The following ADAMTSL1 variants were observed in gnomAD, a reference collection of about 807,000 sequenced individuals.
ADAMTSL1 encodes ADAMTS like 1, also known as ADAMTS-like protein 1.
ADAMTSL1 carries 126 observed loss-of-function variants against 201.8 expected under a neutral mutation model. That is an observed-to-expected ratio of 0.62 (90% CI 0.54 to 0.72). The LOEUF is 0.72. ADAMTSL1 is among the 30% of genes least tolerant of loss of function. The pLI is 0.00. For missense variants in ADAMTSL1, 2,679 were observed against 2,277.8 expected (o/e 1.18, Z -3.59); for synonymous variants, 1,121 against 903.4 (o/e 1.24, Z -4.32).
intron 3 of ADAMTSL1, among the ~76,000 whole-genome samples, chr9:18,535,866 A>T (rs976064215): frequency 4.6e-5 from 7 of 152,164 alleles, no homozygotes; most frequent in Non-Finnish European, 7.3e-5. Flanking sequence ...TGCATGAGTC[A>T]ATTATCTCCA....
chr9:18,175,412 A>G (rs1258952893), intron 2 of ADAMTSL1, among the ~76,000 whole-genome samples: 3 of 152,186 alleles, frequency 2.0e-5, no homozygotes, highest in Non-Finnish European at 2.9e-5. Flanking sequence ...TAATATGCAC[A>G]TTGCTCTTTA....
Position 18,331,361 on chromosome 9 carries a change from G to A in ADAMTSL1, c.207+167380G>A, listed in dbSNP as rs1286319102. ...GTATTTTAAAATAATAGCTGTGTGA[G>A]TATCATCTATCCCCACTGTGTTGGC... On this transcript the variant is annotated intron_variant, in intron 2 of 29. Transcript: ENST00000680146. Among the ~76,000 whole-genome samples, 5 of 152,182 alleles carry A rather than the reference G, an allele frequency of 3.3e-5. No individual in the cohort carries two copies. In the East Asian group the frequency reaches 7.7e-4, roughly 23 times the overall value.
intron 12 of ADAMTSL1, 69 bp from the exon 13 acceptor site, chr9:18,684,647 A>C: frequency 6.6e-7 from 1 of 1,516,124 alleles, no homozygotes; most frequent in South Asian, 1.3e-5. Context: ...GAGGAGAATA[A>C]GGAATTTTCC....
At chr9:18,011,472 G>C (rs1820047553) in intron 1 of ADAMTSL1, among the ~76,000 whole-genome samples, 1 of 152,024 alleles carries the variant, frequency 6.6e-6, no homozygotes, top group Non-Finnish European at 1.5e-5. Flanking sequence ...GATGGAAGAT[G>C]GCACGGAACC....
At chr9:18,705,059 A>C (rs1198433447) in intron 13 of ADAMTSL1, among the ~76,000 whole-genome samples, 1 of 152,210 alleles carries the variant, frequency 6.6e-6, no homozygotes, top group Admixed American at 6.5e-5. Flanking sequence ...TTCCACATGA[A>C]GCCCAGGCTC....
intron 1 of ADAMTSL1, among the ~76,000 whole-genome samples, chr9:18,025,746 GGTT>G (rs1351359307): frequency 2.0e-5 from 3 of 151,752 alleles, no homozygotes; most frequent in Non-Finnish European, 2.9e-5. Flanking sequence ...CTCTTTTTTT[GGTT>G]CCATATGAAT....
At chr9:18,095,535 G>A (rs976699337) in intron 1 of ADAMTSL1, among the ~76,000 whole-genome samples, 2 of 146,660 alleles carry the variant, frequency 1.4e-5, no homozygotes, top group Admixed American at 7.2e-5. Flanking sequence ...CTATTCTCCT[G>A]CCTCAGCTTC....
intron 4 of ADAMTSL1, among the ~76,000 whole-genome samples, chr9:18,578,308 T>C (rs548094289): frequency 6.6e-6 from 1 of 152,304 alleles, no homozygotes; most frequent in East Asian, 1.9e-4. Context: ...TCTCCCCCTT[T>C]CTCTCCCTCT....
intron 2 of ADAMTSL1, among the ~76,000 whole-genome samples, chr9:18,518,316 T>C (rs1818485856): frequency 6.6e-6 from 1 of 152,142 alleles, no homozygotes; most frequent in Admixed American, 6.5e-5. Flanking sequence ...TTTCCTCTTT[T>C]GGAGTCCCCA....
chr9:18,003,475 A>G (rs1430250207), intron 1 of ADAMTSL1, among the ~76,000 whole-genome samples: 1 of 152,056 alleles, frequency 6.6e-6, no homozygotes, highest in Non-Finnish European at 1.5e-5. Flanking sequence ...TGCACACTCT[A>G]CCTACATGCC....
chr9:18,353,894 TTCAG>T (rs1369138907), intron 2 of ADAMTSL1, among the ~76,000 whole-genome samples: 1 of 152,026 alleles, frequency 6.6e-6, no homozygotes, highest in Non-Finnish European at 1.5e-5. Context: ...CCTTTGAAAA[TTCAG>T]TCAATTATAA....
intron 2 of ADAMTSL1, among the ~76,000 whole-genome samples, chr9:18,278,742 C>A (rs941797698): frequency 6.6e-6 from 1 of 152,138 alleles, no homozygotes; most frequent in Non-Finnish European, 1.5e-5. Context: ...TTTAAATAAG[C>A]TTTCTTCCAC....
intron 2 of ADAMTSL1, among the ~76,000 whole-genome samples, chr9:18,167,496 G>A (rs1226581310): frequency 6.6e-6 from 1 of 151,642 alleles, no homozygotes; most frequent in Non-Finnish European, 1.5e-5. Context: ...TGTTTTTTAG[G>A]GCAAGTCATT....
intron 13 of ADAMTSL1, among the ~76,000 whole-genome samples, chr9:18,697,407 G>C (rs1564159592): frequency 6.6e-6 from 1 of 152,066 alleles, no homozygotes; most frequent in East Asian, 1.9e-4. Flanking sequence ...AAACAGACTA[G>C]CAAAGACCAT....
At chr9:17,927,511 T>C (rs1256260091) in intron 1 of ADAMTSL1, among the ~76,000 whole-genome samples, 1 of 151,940 alleles carries the variant, frequency 6.6e-6, no homozygotes, top group Non-Finnish European at 1.5e-5. Flanking sequence ...TATATATATA[T>C]GGCCCTCTGT....
chr9:18,472,615 G>A (rs530993206), upstream of ADAMTSL1, among the ~76,000 whole-genome samples: 1 of 152,160 alleles, frequency 6.6e-6, no homozygotes, highest in Non-Finnish European at 1.5e-5. Flanking sequence ...TTTTTGAAAA[G>A]CAACGCAGCA....
intron 13 of ADAMTSL1, among the ~76,000 whole-genome samples, chr9:18,695,255 C>T (rs1004604006): frequency 2.6e-5 from 4 of 152,172 alleles, no homozygotes; most frequent in Non-Finnish European, 4.4e-5. Context: ...TTGGGAAGGG[C>T]TGCTGTGAAG....
intron 1 of ADAMTSL1, among the ~76,000 whole-genome samples, chr9:17,908,478 C>T (rs1825807908): frequency 1.3e-5 from 2 of 150,468 alleles, no homozygotes; most frequent in Admixed American, 6.6e-5. Flanking sequence ...TTTTTTGAAA[C>T]GGAGTTTCAC....
intron 2 of ADAMTSL1, among the ~76,000 whole-genome samples, chr9:18,409,241 G>A (rs575677376): frequency 6.6e-6 from 1 of 151,736 alleles, no homozygotes; most frequent in East Asian, 2.0e-4. Flanking sequence ...AAATTAGCCA[G>A]GCATGGTGGT....
Sources: gnomAD v4.1 joint callset for allele counts (sites outside exome capture counted in the v4.1 genomes callset) on GRCh38, gnomAD v4.1.1 for gene constraint, MANE v1.5 for transcripts, NCBI Gene and HGNC (gene_info 2026-07-23, HGNC 2026-07-21) for gene names.